Variants in PATL2 observed in about 807,000 individuals in gnomAD.
The protein encoded by PATL2 is PAT1 homolog 2.
A neutral mutation model predicts 77.0 loss-of-function variants in PATL2; 73 were observed. That is an observed-to-expected ratio of 0.95 (90% CI 0.78 to 1.15). The LOEUF (loss-of-function observed/expected upper bound fraction) is 1.15, where lower values mean the gene tolerates loss of function less well. PATL2 is among the 50% of genes most tolerant of loss of function. The pLI, the probability that PATL2 is intolerant of heterozygous loss-of-function variation, is 0.00. For missense variants in PATL2, 618 were observed against 655.4 expected (o/e 0.94, Z 0.62); for synonymous variants, 265 against 257.1 (o/e 1.03, Z -0.29).
intron 15 of PATL2, 189 bp from the exon 16 acceptor site, chr15:44,667,392 C>G: frequency 1.8e-6 from 1 of 554,540 alleles, no homozygotes; most frequent in South Asian, 2.1e-5. Context: ...ATAGGAATCA[C>G]TGCTCTGAAC....
Position 44,669,886 on chromosome 15 carries a change from G to A in PATL2, c.779-12C>T, listed in dbSNP as rs2085582846. 6.4e-7 allele frequency: 1 copy of A among 1,551,490 alleles called. No individual in the cohort carries two copies. Among genetic ancestry groups the A allele is most frequent in the Non-Finnish European group, 8.7e-7 (1 of 1,146,936 alleles). ...CTCGATTCGGACCACTGCATGAGAAGAGAGGCACATTTCCTTCCCCCTCCC... is the reference window on the plus strand; with the variant it reads ...CTCGATTCGGACCACTGCATGAGAAAAGAGGCACATTTCCTTCCCCCTCCC... On this transcript the variant is annotated splice_polypyrimidine_tract_variant and intron_variant, in intron 10 of 17. Coordinates refer to ENST00000682850, the MANE Select transcript of PATL2 (RefSeq NM_001387263.1).
chr15:44,700,737 T>C (rs2086610482), intron 3 of PATL2, among the ~76,000 whole-genome samples: 1 of 152,238 alleles, frequency 6.6e-6, no homozygotes, highest in Admixed American at 6.5e-5. Context: ...CTTCTTCCTT[T>C]CCAGTTTGGA....
At chr15:44,689,864 A>G (rs2086348332) in intron 3 of PATL2, among the ~76,000 whole-genome samples, 1 of 152,186 alleles carries the variant, frequency 6.6e-6, no homozygotes, top group African/African-American at 2.4e-5. Flanking sequence ...GTATAATAAT[A>G]AGAAGAAAAT....
intron 3 of PATL2, among the ~76,000 whole-genome samples, chr15:44,705,853 G>T (rs1357401986): frequency 2.8e-5 from 4 of 143,188 alleles, no homozygotes; most frequent in Non-Finnish European, 6.0e-5. Context: ...CCAGGCTGGA[G>T]TACAGTGGTA....
At chr15:44,695,579 A>T (rs977280538) in intron 3 of PATL2, among the ~76,000 whole-genome samples, 5 of 152,170 alleles carry the variant, frequency 3.3e-5, no homozygotes, top group Non-Finnish European at 7.4e-5. Flanking sequence ...CTAAAGCCTG[A>T]GTATAAAATC....
intron 15 of PATL2, among the ~76,000 whole-genome samples, chr15:44,668,105 G>A (rs2085474477): frequency 6.6e-6 from 1 of 152,128 alleles, no homozygotes; most frequent in South Asian, 2.1e-4. Flanking sequence ...AGCAATCAGG[G>A]AGCTTATTAG....
At chr15:44,711,339 A>G (rs2086857533), upstream of PATL2, 2 of 660,192 alleles carry the variant, frequency 3.0e-6, no homozygotes, top group Admixed American at 2.2e-5. Context: ...CACCCAGTCT[A>G]GTGCATGCCT....
At chr15:44,676,978 A>T in intron 3 of PATL2, 1 of 917,550 alleles carries the variant, frequency 1.1e-6, no homozygotes, top group Non-Finnish European at 1.3e-6. Flanking sequence ...CACCCATTAA[A>T]GGGCTAGCAT....
chr15:44,669,722 C>A, intron 11 of PATL2, 55 bp downstream of exon 11: 1 of 1,536,618 alleles, frequency 6.5e-7, no homozygotes, highest in South Asian at 1.2e-5. Context: ...CAAGAATGTT[C>A]TAGACCCTTC....
rs1473643287 is a variant in PATL2, at chr15:44,666,384, T to G, written c.1613+8A>C. On this transcript the variant is annotated splice_region_variant and intron_variant, in intron 17 of 17. Coordinates refer to ENST00000682850, the MANE Select transcript of PATL2 (RefSeq NM_001387263.1). ...AGGGGCTTTGACCTTGTTTCTGCCA[T>G]TACTTACTCCATCCTGGCCTCCAGC... 6.4e-7 allele frequency: 1 copy of G among 1,551,526 alleles called. No homozygotes were observed. Among genetic ancestry groups the G allele is most frequent in the Non-Finnish European group, 8.7e-7 (1 of 1,146,968 alleles).
intron 3 of PATL2, among the ~76,000 whole-genome samples, chr15:44,700,459 AC>A (rs1202307060): frequency 5.3e-5 from 8 of 151,798 alleles, no homozygotes; most frequent in African/African-American, 1.9e-4. Context: ...GTGCCACCAC[AC>A]CTCGCTAATT....
chr15:44,708,927 C>G (rs192671835), intron 3 of PATL2, among the ~76,000 whole-genome samples: 1 of 152,216 alleles, frequency 6.6e-6, no homozygotes, highest in African/African-American at 2.4e-5. Flanking sequence ...GAGATGAAGT[C>G]TTGCTCTGTT....
intron 3 of PATL2, among the ~76,000 whole-genome samples, chr15:44,699,003 G>A (rs1394233612): frequency 2.6e-5 from 4 of 152,170 alleles, no homozygotes; most frequent in African/African-American, 9.7e-5. Context: ...CAATGATGGT[G>A]AGCACCTTCT....
At position 44,675,594 on chromosome 15, in the gene PATL2, TTCCTCCTCC is replaced by T; in HGVS notation, c.105_113del (p.Glu39_Glu41del). On this transcript the variant is annotated inframe_deletion, in exon 5 of 18. Transcript: ENST00000682850. Reference sequence around the variant, plus strand: ...CCAGATCCTCCTCGTCCTCCTCCTCTTCCTCCTCCTCCCCTTCATTCTCTTCTTCTTTTT... The same window carrying T: ...CCAGATCCTCCTCGTCCTCCTCCTCTTCCCCTTCATTCTCTTCTTCTTTTT... 1 of 1,551,578 alleles carries T rather than the reference TTCCTCCTCC, an allele frequency of 6.4e-7. No homozygotes were observed. The highest frequency in any genetic ancestry group is 1.2e-5 in the South Asian group (1 of 84,042).
At chr15:44,683,047 T>C (rs2086169165) in intron 3 of PATL2, among the ~76,000 whole-genome samples, 1 of 152,170 alleles carries the variant, frequency 6.6e-6, no homozygotes, top group Non-Finnish European at 1.5e-5. Flanking sequence ...TGAGGGACGG[T>C]GCACTCTGAC....
At chr15:44,666,184 C>G (rs1167862235) in intron 17 of PATL2, among the ~76,000 whole-genome samples, 1 of 152,150 alleles carries the variant, frequency 6.6e-6, no homozygotes, top group Non-Finnish European at 1.5e-5. Context: ...TAGGTTAGCA[C>G]TATAAATGAC....
chr15:44,690,245 A>C (rs930112771), intron 3 of PATL2, among the ~76,000 whole-genome samples: 2 of 152,174 alleles, frequency 1.3e-5, no homozygotes, highest in African/African-American at 4.8e-5. Flanking sequence ...TATCACCCCA[A>C]ATCCATAGGC....
At position 44,667,204 on chromosome 15, in the gene PATL2, C is replaced by A; in HGVS notation, c.1366-1G>T. The stretch of plus-strand genomic sequence containing the variant: ...GGGCATAGAGCAAAGATATTCCAAA[C>A]TGCAAGGGACATATATATATTCCAG... On this transcript the variant is annotated splice_acceptor_variant, in intron 15 of 17. Coordinates refer to ENST00000682850, the MANE Select transcript of PATL2 (RefSeq NM_001387263.1). LOFTEE classifies it high-confidence loss of function. 1 of 1,549,634 alleles carries A rather than the reference C, an allele frequency of 6.5e-7. No individual in the cohort carries two copies. Among genetic ancestry groups the A allele is most frequent in the Non-Finnish European group, 8.7e-7 (1 of 1,145,246 alleles).
In PATL2 at chr15:44,669,136, C is replaced by A; in HGVS notation, c.1068G>T (p.Glu356Asp). ...LKTQEQNNLE[E>D]AADGFLQVLS... is the part of the protein sequence containing the mutation. Reference sequence around the variant, plus strand: ...GCACCTGCAGGAAGCCATCTGCTGCCTCTCTGCAAGGGAGAGAGGAGAACA... The same window carrying A: ...GCACCTGCAGGAAGCCATCTGCTGCATCTCTGCAAGGGAGAGAGGAGAACA... The change falls in exon 14 of 18, where the codon GAG (glutamate) becomes GAT (aspartate). Residue 356 changes from glutamate (E) to aspartate (D), a missense_variant. Physicochemically the swap from Glu to Asp is conservative, Grantham distance 45 (BLOSUM62 2). Transcript: ENST00000682850. 1.3e-6 allele frequency: 2 copies of A among 1,539,992 alleles called. No homozygotes were observed. Among genetic ancestry groups the A allele is most frequent in the Non-Finnish European group, 1.8e-6 (2 of 1,139,938 alleles).
Sources: gnomAD v4.1 joint callset for allele counts (sites outside exome capture counted in the v4.1 genomes callset) on GRCh38, gnomAD v4.1.1 for gene constraint, MANE v1.5 for transcripts, NCBI Gene and HGNC (gene_info 2026-07-23, HGNC 2026-07-21) for gene names.